The following GAS2 variants were observed in gnomAD, a reference collection of about 807,000 sequenced individuals.
GAS2 encodes growth arrest specific 2.
A neutral mutation model predicts 37.5 loss-of-function variants in GAS2; 20 were observed. The ratio of observed to expected loss-of-function variants is 0.53; its 90% CI spans 0.37 to 0.77. GAS2 has a LOEUF of 0.77. Ranked by LOEUF, GAS2 falls within the 30% of genes least tolerant of loss-of-function variation. The pLI, the probability that GAS2 is intolerant of heterozygous loss-of-function variation, is 0.00. For synonymous variants in GAS2, 144 were observed against 132.2 expected (o/e 1.09, Z -0.61); for missense variants, 336 against 373.4 (o/e 0.90, Z 0.82).
At chr11:22,775,781 A>G (rs1044379715) in intron 7 of GAS2, among the ~76,000 whole-genome samples, 1 of 152,152 alleles carries the variant, frequency 6.6e-6, no homozygotes, top group Admixed American at 6.5e-5. Context: ...TTGTTACCCT[A>G]AGCTCTTATT....
In GAS2 at chr11:22,811,898, C is replaced by G; in HGVS notation, c.824C>G (p.Ser275Cys). Residue 275 changes from serine (S) to cysteine (C), a missense_variant, in exon 8 of 8, where the codon TCC (serine) becomes TGC (cysteine). Transcript: ENST00000454584. ...KHDPCRMLQI[S>C]RVDGKTSPIQ... ...GACCCCTGCCGAATGCTGCAGATCT[C>G]CCGTGTGGATGGCAAAACATCCCCT... 1 of 1,614,166 alleles carries G rather than the reference C, an allele frequency of 6.2e-7. No individual in the cohort carries two copies. The highest frequency in any genetic ancestry group is 8.5e-7 in the Non-Finnish European group (1 of 1,180,018).
chr11:22,662,242 G>A (rs1045334623), upstream of GAS2, among the ~76,000 whole-genome samples: 2 of 152,188 alleles, frequency 1.3e-5, no homozygotes, highest in Admixed American at 6.5e-5. Context: ...TGGCACACAG[G>A]CAAGCATCTG....
At position 22,812,492 on chromosome 11, in the gene GAS2, C is replaced by G. The variant is rs1590159969; in HGVS notation, c.*476C>G. 6.6e-6 allele frequency: 1 copy of G among 150,724 alleles called. No homozygotes were observed. Among genetic ancestry groups the G allele is most frequent in the Non-Finnish European group, 1.4e-5 (1 of 71,818 alleles). 9.3% of individuals were successfully genotyped at this position (150,724 alleles called of 1,614,324 possible). On this transcript the variant is annotated 3_prime_UTR_variant, in exon 8 of 8. Coordinates refer to ENST00000454584, the MANE Select transcript of GAS2 (RefSeq NM_001143830.3). ...ATAATGTGCTGCAAAAAATATCCAACAGCACTACACATAAGTACAGAGTAT... is the reference window on the plus strand; with the variant it reads ...ATAATGTGCTGCAAAAAATATCCAAGAGCACTACACATAAGTACAGAGTAT...
At position 22,660,123 on chromosome 11, in the gene GAS2, G is replaced by A. The variant is rs192455474; in HGVS notation, c.-20-14727G>A. Among the ~76,000 whole-genome samples the A allele has an allele frequency of 7.9e-5, 12 of 152,210 alleles. No homozygotes were observed. In the East Asian group the frequency reaches 2.3e-3, roughly 29 times the overall value. On this transcript the variant is annotated intron_variant, in intron 1 of 5. Transcript: ENST00000528582. ...TTTTTAAAAACCATTTTTGCTATTG[G>A]AATGAGCTCCCGGAAAGCAGGGAAT...
At chr11:22,757,009 A>G (rs559285152) in intron 7 of GAS2, among the ~76,000 whole-genome samples, 1 of 152,254 alleles carries the variant, frequency 6.6e-6, no homozygotes, top group South Asian at 2.1e-4. Context: ...TTTAAATTTT[A>G]CCGGGTTGAC....
intron 6 of GAS2, among the ~76,000 whole-genome samples, chr11:22,752,130 A>G (rs757241494): frequency 3.0e-4 from 45 of 152,078 alleles, no homozygotes; most frequent in Non-Finnish European, 3.5e-4. Flanking sequence ...CGGTTAAATT[A>G]GTTTGAAAAA....
At chr11:22,776,209 G>C (rs1405892696) in intron 7 of GAS2, among the ~76,000 whole-genome samples, 2 of 152,208 alleles carry the variant, frequency 1.3e-5, no homozygotes, top group African/African-American at 4.8e-5. Context: ...GGGAAGACAG[G>C]AATAAATATA....
At chr11:22,807,593 C>T (rs991782435) in intron 7 of GAS2, among the ~76,000 whole-genome samples, 1 of 152,156 alleles carries the variant, frequency 6.6e-6, no homozygotes, top group Non-Finnish European at 1.5e-5. Flanking sequence ...GAAATTGTTA[C>T]CAATACACCA....
At chr11:22,691,682 A>G (rs1850251477) in intron 3 of GAS2, among the ~76,000 whole-genome samples, 1 of 152,224 alleles carries the variant, frequency 6.6e-6, no homozygotes, top group Non-Finnish European at 1.5e-5. Context: ...GGCATGATGT[A>G]GAAAGAAATA....
intron 1 of GAS2, among the ~76,000 whole-genome samples, chr11:22,647,215 T>A (rs1487203839): frequency 1.3e-5 from 2 of 151,834 alleles, no homozygotes; most frequent in Non-Finnish European, 2.9e-5. Context: ...GAATGATGAT[T>A]TCCAATTTCA....
chr11:22,731,503 T>A (rs959318670), intron 4 of GAS2: 1 of 188,252 alleles, frequency 5.3e-6, no homozygotes, highest in African/African-American at 2.4e-5. Context: ...ACTGTCTTCT[T>A]TTGATGCATC....
At chr11:22,640,316 T>G (rs2133816651) in intron 1 of GAS2, among the ~76,000 whole-genome samples, 1 of 152,328 alleles carries the variant, frequency 6.6e-6, no homozygotes, top group African/African-American at 2.4e-5. Context: ...AATTAGAGCT[T>G]CATCAACACT....
intron 1 of GAS2, 23 bp from the exon 2 acceptor site, chr11:22,674,827 T>C (rs1480873044): frequency 2.6e-6 from 4 of 1,543,354 alleles, no homozygotes; most frequent in African/African-American, 1.4e-5. Context: ...TAAAAAGCAA[T>C]TGCTCTTTTG....
At chr11:22,700,303 C>G (rs528859606) in intron 3 of GAS2, among the ~76,000 whole-genome samples, 1 of 152,078 alleles carries the variant, frequency 6.6e-6, no homozygotes, top group Non-Finnish European at 1.5e-5. Context: ...TACTGTTATC[C>G]GTGGGTTTTA....
At chr11:22,676,199 A>G (rs948358266) in intron 2 of GAS2, among the ~76,000 whole-genome samples, 3 of 152,154 alleles carry the variant, frequency 2.0e-5, no homozygotes, top group Non-Finnish European at 4.4e-5. Flanking sequence ...TCACAGTGCT[A>G]TGGAAGTGTC....
At chr11:22,648,508 C>G (rs982992013) in intron 1 of GAS2, among the ~76,000 whole-genome samples, 4 of 152,100 alleles carry the variant, frequency 2.6e-5, no homozygotes, top group African/African-American at 9.7e-5. Context: ...TGTAAATTAC[C>G]TTGCGCAGTA....
chr11:22,811,620 G>GA (rs113746300), intron 7 of GAS2, among the ~76,000 whole-genome samples, 178 bp from the exon 8 acceptor site: 1 of 151,536 alleles, frequency 6.6e-6, no homozygotes, highest in Non-Finnish European at 1.5e-5. Context: ...CACTTCCACA[G>GA]AAAAAAAACA....
At chr11:22,693,547 A>T (rs1289946418) in intron 3 of GAS2, among the ~76,000 whole-genome samples, 3 of 152,186 alleles carry the variant, frequency 2.0e-5, no homozygotes, top group African/African-American at 7.2e-5. Flanking sequence ...TTTATTTGGT[A>T]CTTTTACCAC....
intron 3 of GAS2, among the ~76,000 whole-genome samples, chr11:22,709,298 T>G (rs565311907): frequency 3.7e-4 from 57 of 152,248 alleles, no homozygotes; most frequent in African/African-American, 1.3e-3. Context: ...CCTGTGTATA[T>G]GTTGGCTTAC....
Sources: allele counts gnomAD v4.1 joint callset (sites outside exome capture counted in the v4.1 genomes callset), GRCh38; gene constraint gnomAD v4.1.1; transcripts MANE v1.5; gene names NCBI Gene and HGNC (gene_info 2026-07-23, HGNC 2026-07-21).